Variants in SCCPDH observed in about 807,000 individuals in gnomAD.
SCCPDH encodes the protein saccharopine dehydrogenase-like oxidoreductase.
Under a neutral mutation model 51.5 loss-of-function variants are expected in SCCPDH, and 34 were observed. That is an observed-to-expected ratio of 0.66 (90% CI 0.50 to 0.88). The LOEUF (loss-of-function observed/expected upper bound fraction) is 0.88. Ranked by LOEUF, SCCPDH falls within the 40% of genes least tolerant of loss-of-function variation. SCCPDH has a pLI of 0.00. For missense variants in SCCPDH, 464 were observed against 527.1 expected, an observed-to-expected ratio of 0.88 and a Z score of 1.17; for synonymous variants, 187 against 191.3, an observed-to-expected ratio of 0.98 and a Z score of 0.19.
chr1:246,727,936 A>C (rs1052338855), intron 2 of SCCPDH, among the ~76,000 whole-genome samples: 3 of 152,274 alleles, frequency 2.0e-5, no homozygotes, highest in Non-Finnish European at 4.4e-5. Context: ...GTTGAAAGGA[A>C]GGGCTTCAGC....
At position 246,768,010 on chromosome 1, in the gene SCCPDH, A is replaced by T. The variant is rs771631425; in HGVS notation, c.*710A>T. 12 of 152,154 alleles carry T rather than the reference A, an allele frequency of 7.9e-5. No individual in the cohort carries two copies. Among genetic ancestry groups the T allele is most frequent in the Non-Finnish European group, 1.8e-4 (12 of 68,024 alleles). The allele number at this position is 152,154 out of a possible 1,614,324, so 9.4% of individuals were successfully genotyped here. On this transcript the variant is annotated 3_prime_UTR_variant, in exon 12 of 12. Coordinates refer to ENST00000366510, the MANE Select transcript of SCCPDH (RefSeq NM_016002.3). ...TTATAAGTTGCTATCAATTTTCACT[A>T]CCTAAGCAGAATTTTTCTCTAATTT...
intron 5 of SCCPDH, among the ~76,000 whole-genome samples, 177 bp downstream of exon 5, chr1:246,744,302 T>C (rs1668723993): frequency 1.3e-5 from 2 of 151,976 alleles, no homozygotes; most frequent in South Asian, 4.1e-4. Context: ...ATTTTCTTTT[T>C]ATTTTATTTT....
intron 3 of SCCPDH, among the ~76,000 whole-genome samples, chr1:246,738,456 A>T (rs1668630842): frequency 6.6e-6 from 1 of 151,596 alleles, no homozygotes; most frequent in South Asian, 2.1e-4. Flanking sequence ...GGTTGCAATG[A>T]GCCAAGATCA....
chr1:246,758,895 C>T, intron 6 of SCCPDH, 139 bp from the exon 7 acceptor site: 1 of 685,992 alleles, frequency 1.5e-6, no homozygotes, highest in Non-Finnish European at 2.7e-6. Context: ...CTTAAGTGAT[C>T]CTCCTGCCTC....
intron 5 of SCCPDH, among the ~76,000 whole-genome samples, chr1:246,750,245 G>T (rs1475972970): frequency 6.6e-6 from 1 of 150,808 alleles, no homozygotes; most frequent in African/African-American, 2.5e-5. Flanking sequence ...ACTCTAGCGG[G>T]GGGGTACCTG....
chr1:246,740,361 T>G (rs1668659225), intron 4 of SCCPDH, 60 bp downstream of exon 4: 2 of 1,410,264 alleles, frequency 1.4e-6, no homozygotes, highest in South Asian at 1.6e-5. Context: ...GGCTTCATGT[T>G]TCTAACTGTG....
chr1:246,727,108 G>A, intron 2 of SCCPDH, 104 bp downstream of exon 2: 2 of 917,972 alleles, frequency 2.2e-6, no homozygotes, highest in Admixed American at 4.4e-5. Flanking sequence ...TTGGTTGAAG[G>A]CCTTAACCCC....
rs781555453 is a variant in SCCPDH at position 246,758,266 on chromosome 1, A to G, written c.605A>G (p.Tyr202Cys). The G allele has an allele frequency of 8.1e-6, 13 of 1,609,600 alleles. No individual in the cohort carries two copies. The highest frequency in any genetic ancestry group is 1.6e-4 in the Middle Eastern group (1 of 6,064). The change falls in exon 6 of 12, where the codon TAT becomes TGT. Residue 202 changes from tyrosine to cysteine, a missense_variant. Transcript: ENST00000366510. Reference protein sequence around the residue: ...IHDGTWKSAIYGFGDQSNLRK... With the variant: ...IHDGTWKSAICGFGDQSNLRK... Reference sequence around the variant, plus strand: ...GATGGTACCTGGAAGTCAGCAATTTATGGTTTTGGAGATCAGAGTAATTTG... The same window carrying G: ...GATGGTACCTGGAAGTCAGCAATTTGTGGTTTTGGAGATCAGAGTAATTTG...
At chr1:246,745,542 T>G (rs1217991224) in intron 5 of SCCPDH, among the ~76,000 whole-genome samples, 2 of 152,186 alleles carry the variant, frequency 1.3e-5, no homozygotes, top group Non-Finnish European at 2.9e-5. Flanking sequence ...CCAGAGATCA[T>G]GAACTTTCTG....
At position 246,726,996 on chromosome 1, in the gene SCCPDH, G is replaced by A. The variant is rs201201896; in HGVS notation, c.295G>A (p.Val99Ile). 97 of 1,602,102 alleles carry A rather than the reference G, an allele frequency of 6.1e-5. No homozygotes were observed. Among genetic ancestry groups the A allele is most frequent in the South Asian group, 2.6e-4 (24 of 90,834 alleles). Reference sequence around the variant, plus strand: ...ACAGGCAACAGTTGTCCTCAATTGCGTAGGACCAGTAAGTAATCAACCCTT... The same window carrying A: ...ACAGGCAACAGTTGTCCTCAATTGCATAGGACCAGTAAGTAATCAACCCTT... Reference protein sequence around the residue: ...AKQATVVLNCVGPYRFYGEPV... With the variant: ...AKQATVVLNCIGPYRFYGEPV... The change falls in exon 2 of 12, where the codon GTA becomes ATA. Residue 99 changes from valine to isoleucine, a missense_variant. Val to Ile is a conservative substitution (Grantham distance 29). Coordinates refer to ENST00000366510, the MANE Select transcript of SCCPDH (RefSeq NM_016002.3).
At chr1:246,743,640 G>A (rs1024681273) in intron 4 of SCCPDH, among the ~76,000 whole-genome samples, 1 of 151,996 alleles carries the variant, frequency 6.6e-6, no homozygotes, top group Non-Finnish European at 1.5e-5. Context: ...GGGATTATAG[G>A]CATGAGCCAC....
At chr1:246,756,208 G>C (rs528536559) in intron 5 of SCCPDH, among the ~76,000 whole-genome samples, 272 of 152,290 alleles carry the variant, frequency 1.8e-3, no homozygotes, top group Non-Finnish European at 2.7e-3. Flanking sequence ...AGCATAAGAA[G>C]CCAAACACTC....
intron 2 of SCCPDH, among the ~76,000 whole-genome samples, chr1:246,732,049 T>C (rs1239835263): frequency 1.3e-5 from 2 of 151,328 alleles, no homozygotes; most frequent in East Asian, 1.9e-4. Context: ...GAACTCATCC[T>C]TTTTTATGCC....
intron 5 of SCCPDH, among the ~76,000 whole-genome samples, chr1:246,754,551 G>A (rs995301598): frequency 2.0e-5 from 3 of 152,236 alleles, no homozygotes; most frequent in African/African-American, 7.2e-5. Flanking sequence ...GTTAAAGAAG[G>A]AAGGGCTTTA....
chr1:246,739,644 A>C (rs1668648921), intron 3 of SCCPDH, among the ~76,000 whole-genome samples: 1 of 152,132 alleles, frequency 6.6e-6, no homozygotes, highest in African/African-American at 2.4e-5. Flanking sequence ...AAATAGAGAA[A>C]ACTGGGTTTC....
chr1:246,730,660 A>G (rs1668479177), intron 2 of SCCPDH, among the ~76,000 whole-genome samples: 1 of 152,212 alleles, frequency 6.6e-6, no homozygotes, highest in African/African-American at 2.4e-5. Flanking sequence ...ATGTTTTTGT[A>G]AACATTAACA....
At chr1:246,730,692 A>T (rs1340656562) in intron 2 of SCCPDH, among the ~76,000 whole-genome samples, 1 of 152,180 alleles carries the variant, frequency 6.6e-6, no homozygotes, top group Non-Finnish European at 1.5e-5. Flanking sequence ...TCTGATATTT[A>T]CTTCCACCCT....
At chr1:246,750,242 CG>C (rs375859653) in intron 5 of SCCPDH, among the ~76,000 whole-genome samples, 2 of 151,878 alleles carry the variant, frequency 1.3e-5, no homozygotes, top group Non-Finnish European at 2.9e-5. Flanking sequence ...GAAACTCTAG[CG>C]GGGGGGTACC....
At chr1:246,747,536 G>A (rs558683220) in intron 5 of SCCPDH, among the ~76,000 whole-genome samples, 5 of 152,306 alleles carry the variant, frequency 3.3e-5, no homozygotes, top group East Asian at 3.9e-4. Flanking sequence ...AAGAAATAGC[G>A]CTGAAACATA....
Sources: allele counts gnomAD v4.1 joint callset (sites outside exome capture counted in the v4.1 genomes callset), GRCh38; gene constraint gnomAD v4.1.1; transcripts MANE v1.5; gene names NCBI Gene and HGNC (gene_info 2026-07-23, HGNC 2026-07-21).